The following PDE1C variants were observed in gnomAD, a reference collection of about 807,000 sequenced individuals.
The protein encoded by PDE1C is dual specificity calcium/calmodulin-dependent 3',5'-cyclic nucleotide phosphodiesterase 1C.
In PDE1C, 62 loss-of-function variants were observed where a neutral mutation model predicts 93.1. The ratio of observed to expected loss-of-function variants is 0.67; its 90% CI spans 0.54 to 0.82. The LOEUF (loss-of-function observed/expected upper bound fraction) is 0.82. PDE1C is among the 40% of genes least tolerant of loss of function. The pLI, the probability that PDE1C is intolerant of heterozygous loss-of-function variation, is 0.00. For missense variants in PDE1C, 742 were observed against 884.6 expected (o/e 0.84, Z 2.04); for synonymous variants, 325 against 310.1 (o/e 1.05, Z -0.50).
chr7:31,748,420 T>C (rs1296297607), downstream of PDE1C, among the ~76,000 whole-genome samples: 1 of 152,200 alleles, frequency 6.6e-6, no homozygotes, highest in Admixed American at 6.5e-5. Context: ...CTGAATCTCT[T>C]ATTCAGGTGT....
chr7:32,183,812 A>G (rs1803627421), intron 2 of PDE1C, among the ~76,000 whole-genome samples: 1 of 152,210 alleles, frequency 6.6e-6, no homozygotes, highest in South Asian at 2.1e-4. Context: ...GGATCTAATT[A>G]AACTAAAGAG....
intron 2 of PDE1C, among the ~76,000 whole-genome samples, chr7:31,906,031 A>G (rs1440839982): frequency 6.6e-6 from 1 of 152,158 alleles, no homozygotes; most frequent in African/African-American, 2.4e-5. Flanking sequence ...TTCCCCAGCC[A>G]TGCTGAACTG....
chr7:31,758,875 C>T (rs190220995), intron 17 of PDE1C, among the ~76,000 whole-genome samples: 1 of 152,292 alleles, frequency 6.6e-6, no homozygotes, highest in Non-Finnish European at 1.5e-5. Context: ...TGATTCACTG[C>T]TCTTCAAGTC....
intron 1 of PDE1C, among the ~76,000 whole-genome samples, chr7:32,313,987 T>C (rs1234633820): frequency 6.6e-6 from 1 of 152,024 alleles, no homozygotes; most frequent in Non-Finnish European, 1.5e-5. Context: ...CTATTTTGTA[T>C]CCTCAGTGTT....
chr7:31,851,512 A>G (rs1793342636), intron 7 of PDE1C, among the ~76,000 whole-genome samples: 1 of 152,184 alleles, frequency 6.6e-6, no homozygotes, highest in African/African-American at 2.4e-5. Flanking sequence ...ACTGACTTCC[A>G]TTTAACGGAC....
chr7:32,066,809 T>C (rs1397600312), intron 1 of PDE1C, among the ~76,000 whole-genome samples: 1 of 152,150 alleles, frequency 6.6e-6, no homozygotes, highest in Non-Finnish European at 1.5e-5. Context: ...AAAAGAGATA[T>C]GACAACAGCT....
At chr7:31,694,397 C>CACACACACACACACACACAT in the PDE1C span, among the ~76,000 whole-genome samples, 36 of 151,676 alleles carry the variant, frequency 2.4e-4, no homozygotes, top group African/African-American at 8.7e-4. Flanking sequence ...AACACACACA[C>CACACACACACACACACACAT]ACACACACAC....
chr7:31,978,582 C>T (rs1811969359), intron 2 of PDE1C, among the ~76,000 whole-genome samples: 1 of 152,152 alleles, frequency 6.6e-6, no homozygotes, highest in Admixed American at 6.6e-5. Context: ...GAAGGATTGA[C>T]CTACAGGTTT....
intron 1 of PDE1C, among the ~76,000 whole-genome samples, chr7:32,210,739 A>G (rs1805962655): frequency 6.6e-6 from 1 of 152,218 alleles, no homozygotes; most frequent in African/African-American, 2.4e-5. Flanking sequence ...TAATTTGGGC[A>G]ATTTTTAAAA....
the PDE1C span, chr7:31,692,304 G>T: frequency 1.5e-6 from 1 of 663,678 alleles, no homozygotes. Context: ...ATTGGATTGG[G>T]AACACAATAG....
chr7:31,684,943 T>C, the PDE1C span, among the ~76,000 whole-genome samples: 8 of 152,244 alleles, frequency 5.3e-5, no homozygotes. Flanking sequence ...AAAGCCTCTC[T>C]ACATGAATGT....
chr7:32,216,525 G>A (rs561434485), intron 1 of PDE1C, among the ~76,000 whole-genome samples: 12 of 152,266 alleles, frequency 7.9e-5, no homozygotes, highest in South Asian at 2.1e-4. Context: ...CATTCAGAAC[G>A]TGATGGAGCC....
chr7:32,241,820 G>T (rs1808566241), intron 1 of PDE1C, among the ~76,000 whole-genome samples: 5 of 152,130 alleles, frequency 3.3e-5, no homozygotes, highest in Admixed American at 3.3e-4. Context: ...CCGCCTATCT[G>T]CTGTATCCAC....
chr7:32,260,261 C>T (rs1463628227), intron 1 of PDE1C, among the ~76,000 whole-genome samples: 1 of 152,230 alleles, frequency 6.6e-6, no homozygotes, highest in Admixed American at 6.5e-5. Flanking sequence ...ATGAGCAAAT[C>T]AGTCAACAGT....
At chr7:32,066,656 GC>G (rs761045618) in intron 1 of PDE1C, among the ~76,000 whole-genome samples, 9 of 152,060 alleles carry the variant, frequency 5.9e-5, no homozygotes, top group Non-Finnish European at 1.0e-4. Context: ...AACCCAAGGA[GC>G]CCTATGAGGC....
chr7:31,792,419 TAGG>T (rs1358946525), intron 16 of PDE1C, among the ~76,000 whole-genome samples: 6 of 152,102 alleles, frequency 3.9e-5, no homozygotes, highest in African/African-American at 1.4e-4. Context: ...TGGTGATGAA[TAGG>T]AGGTTTCCCT....
intron 1 of PDE1C, among the ~76,000 whole-genome samples, chr7:32,332,975 T>A (rs1176144506): frequency 1.3e-5 from 2 of 152,140 alleles, no homozygotes; most frequent in African/African-American, 4.8e-5. Flanking sequence ...GGAGAGTCCA[T>A]TTCATGAAAA....
Position 31,835,891 on chromosome 7 carries a change from A to G in PDE1C, c.1203+1289T>C, listed in dbSNP as rs568172319. Among the ~76,000 whole-genome samples, 88 of 152,302 alleles carry G rather than the reference A, an allele frequency of 5.8e-4. 4 individuals are homozygous for G. Among genetic ancestry groups the G allele is most frequent in the African/African-American group, 2.1e-3 (87 of 41,562 alleles). Reference sequence around the variant, plus strand: ...TGCCTTCTACAATTTCTGCATTCAGACTTGAAATCTAAGAGTAAGAATTAT... The same window carrying G: ...TGCCTTCTACAATTTCTGCATTCAGGCTTGAAATCTAAGAGTAAGAATTAT... On this transcript the variant is annotated intron_variant, in intron 11 of 17. Transcript: ENST00000396191.
intron 3 of PDE1C, among the ~76,000 whole-genome samples, chr7:32,136,391 G>GAGTGC (rs1800213820): frequency 6.6e-6 from 1 of 151,986 alleles, no homozygotes; most frequent in African/African-American, 2.4e-5. Context: ...GCCCAGGCTG[G>GAGTGC]AGTGCAGTGG....
Sources: gnomAD v4.1 joint callset for allele counts (sites outside exome capture counted in the v4.1 genomes callset) on GRCh38, gnomAD v4.1.1 for gene constraint, MANE v1.5 for transcripts, NCBI Gene and HGNC (gene_info 2026-07-23, HGNC 2026-07-21) for gene names.